JOSD1: variants seen among roughly 807,000 people sequenced by gnomAD.
The protein encoded by JOSD1 is josephin-1.
Under a neutral mutation model 24.3 loss-of-function variants are expected in JOSD1, and 11 were observed. The observed-to-expected ratio is 0.45, with a 90% CI of 0.29 to 0.75. The LOEUF is 0.75. JOSD1 is among the 30% of genes least tolerant of loss of function. JOSD1 has a pLI of 0.11. For missense variants in JOSD1, 184 were observed against 253.5 expected (o/e 0.73, Z 1.86); for synonymous variants, 106 against 93.8 (o/e 1.13, Z -0.75).
chr22:38,689,912 C>G (rs919163330), intron 2 of JOSD1, among the ~76,000 whole-genome samples: 2 of 144,636 alleles, frequency 1.4e-5, no homozygotes, highest in African/African-American at 2.6e-5. Flanking sequence ...TAAAGGCATT[C>G]TGTGTGTGTG....
At chr22:38,692,281 G>C (rs781354648) in intron 2 of JOSD1, among the ~76,000 whole-genome samples, 2 of 152,180 alleles carry the variant, frequency 1.3e-5, no homozygotes, top group African/African-American at 2.4e-5. Context: ...ATGAGCACTT[G>C]CAAGTGACAG....
At position 38,695,233 on chromosome 22, in the gene JOSD1, G is replaced by T. The variant is rs538578702; in HGVS notation, c.185+4570C>A. 4.6e-5 allele frequency among the ~76,000 whole-genome samples: 7 copies of T among 152,202 alleles called. 1 individual carries two copies. Among genetic ancestry groups the T allele is most frequent in the Admixed American group, 4.6e-4 (7 of 15,274 alleles). On this transcript the variant is annotated intron_variant, in intron 2 of 4. Transcript: ENST00000683374. ...GACAAGAGAATTCAAGTCTCTAGAG[G>T]TTAATACTTAACAACAACTTTTCTC... is the stretch of plus-strand genomic sequence containing the variant.
intron 2 of JOSD1, among the ~76,000 whole-genome samples, chr22:38,696,234 A>AC (rs900661494): frequency 4.9e-5 from 7 of 143,168 alleles, no homozygotes; most frequent in African/African-American, 1.6e-4. Flanking sequence ...CAAACCTTAT[A>AC]CCCCCCCTTT....
upstream of JOSD1, chr22:38,700,995 G>C: frequency 2.0e-6 from 2 of 984,612 alleles, no homozygotes; most frequent in Non-Finnish European, 2.4e-6. Context: ...CCCCCGCCCG[G>C]CGCGTGCTCC....
rs749337873 is a variant in JOSD1 at position 38,688,997 on chromosome 22, G to A, written c.447C>T (p.Ala149=). 6 of 1,614,000 alleles carry A rather than the reference G, an allele frequency of 3.7e-6. No homozygotes were observed. The South Asian group carries it at 6.6e-5, about 18-fold the overall frequency. Residue 149 remains alanine, a synonymous_variant, in exon 4 of 5, where the codon GCC becomes GCT. Transcript: ENST00000683374. ...HWICVREVGG[A]YYNLDSKLKM... ...TGAGTTTGGAGTCGAGGTTGTAGTA[G>A]GCCCCTCCCACCTCTCGAACACAGA... is the stretch of plus-strand genomic sequence containing the variant.
chr22:38,692,056 C>T (rs2092524931), intron 2 of JOSD1, among the ~76,000 whole-genome samples: 1 of 152,210 alleles, frequency 6.6e-6, no homozygotes, highest in Non-Finnish European at 1.5e-5. Context: ...GGCTTATATG[C>T]TCATCTCCAG....
chr22:38,701,129 G>C (rs563545082), upstream of JOSD1: 1 of 327,954 alleles, frequency 3.0e-6, no homozygotes, highest in Admixed American at 6.5e-5. Flanking sequence ...GCAGTTCAAC[G>C]GTTGGGGTGT....
At chr22:38,692,371 G>C (rs1346460322) in intron 2 of JOSD1, among the ~76,000 whole-genome samples, 1 of 152,144 alleles carries the variant, frequency 6.6e-6, no homozygotes, top group Non-Finnish European at 1.5e-5. Context: ...AATCAGAGTG[G>C]CAGGGGATGG....
chr22:38,688,027 G>C (rs1166628958), intron 4 of JOSD1, 26 bp from the exon 5 acceptor site: 8 of 1,559,902 alleles, frequency 5.1e-6, no homozygotes, highest in Admixed American at 1.7e-5. Flanking sequence ...TAGAGAAAAT[G>C]AAATGCTGGC....
chr22:38,699,756 A>T, intron 2 of JOSD1, 47 bp downstream of exon 2: 1 of 1,580,920 alleles, frequency 6.3e-7, no homozygotes, highest in Non-Finnish European at 8.7e-7. Flanking sequence ...CACCCACAGA[A>T]ATCCAGAAAT....
At position 38,700,455 on chromosome 22, in the gene JOSD1, G is replaced by C. The variant is rs971152151; in HGVS notation, c.-468C>G. 15 of 986,430 alleles carry C rather than the reference G, an allele frequency of 1.5e-5. No individual in the cohort carries two copies. Among genetic ancestry groups the C allele is most frequent in the Middle Eastern group, 5.2e-4 (1 of 1,934 alleles). The allele number at this position is 986,430 out of a possible 1,614,324, so 61.1% of individuals were successfully genotyped here. ...CTCGGGAGACAAGGCCTGGGTGACG[G>C]ATAAATTTAGCGCACGAGTCGAGTA... On this transcript the variant is annotated 5_prime_UTR_variant, in exon 2 of 5. In the 5' UTR this introduces an upstream ATG that the reference lacks. Transcript: ENST00000683374.
intron 2 of JOSD1, among the ~76,000 whole-genome samples, chr22:38,698,131 T>C (rs555825071): frequency 6.6e-6 from 1 of 152,296 alleles, no homozygotes; most frequent in South Asian, 2.1e-4. Flanking sequence ...AATATCTGAT[T>C]AGGAGTAGGA....
At chr22:38,699,710 A>G (rs993896999) in intron 2 of JOSD1, 93 bp downstream of exon 2, 43 of 1,204,108 alleles carry the variant, frequency 3.6e-5, no homozygotes, top group Non-Finnish European at 5.2e-5. Context: ...GCTAATACCT[A>G]CAGCTTTGAA....
chr22:38,689,140 G>A lies in JOSD1; in HGVS notation c.315-11C>T. 2 of 1,609,722 alleles carry A rather than the reference G, an allele frequency of 1.2e-6. No homozygotes were observed. Among genetic ancestry groups the A allele is most frequent in the Non-Finnish European group, 1.7e-6 (2 of 1,176,662 alleles). Reference sequence around the variant, plus strand: ...ATGACACCGACATCCCTGCAGGGGAGAAATGGTGGCAGGCTCTGATGCAGC... The same window carrying A: ...ATGACACCGACATCCCTGCAGGGGAAAAATGGTGGCAGGCTCTGATGCAGC... On this transcript the variant is annotated splice_polypyrimidine_tract_variant and intron_variant, in intron 3 of 4. Coordinates refer to ENST00000683374, the MANE Select transcript of JOSD1 (RefSeq NM_001360236.2).
intron 2 of JOSD1, 99 bp downstream of exon 2, chr22:38,699,704 A>C: frequency 8.7e-7 from 1 of 1,155,374 alleles, no homozygotes; most frequent in Non-Finnish European, 1.3e-6. Flanking sequence ...AATCTAGCTA[A>C]TACCTACAGC....
intron 2 of JOSD1, among the ~76,000 whole-genome samples, chr22:38,694,068 G>A (rs1246711099): frequency 6.6e-6 from 1 of 152,176 alleles, no homozygotes; most frequent in South Asian, 2.1e-4. Flanking sequence ...AAACACGTTA[G>A]GCAATTTGAA....
rs781535052 is a variant in JOSD1, at chr22:38,689,471, C to T, written c.186-47G>A. The T allele has an allele frequency of 1.1e-5, 17 of 1,607,920 alleles. No homozygotes were observed. The African/African-American group carries it at 1.9e-4, about 18-fold the overall frequency. ...GGCTGAGACTTGCTGGATGCCTGAA[C>T]CCCCTGACCCCGCACTACCAGGGAT... is the stretch of plus-strand genomic sequence containing the variant. On this transcript the variant is annotated intron_variant, in intron 2 of 4. Transcript: ENST00000683374.
intron 2 of JOSD1, among the ~76,000 whole-genome samples, chr22:38,692,868 C>T (rs537259902): frequency 1.3e-5 from 2 of 151,682 alleles, no homozygotes; most frequent in South Asian, 4.2e-4. Context: ...TAATTGGTTC[C>T]TTTCCCAAGT....
chr22:38,688,833 A>G, intron 4 of JOSD1, 102 bp downstream of exon 4: 1 of 1,103,060 alleles, frequency 9.1e-7, no homozygotes, highest in Non-Finnish European at 1.3e-6. Flanking sequence ...CCAAGGGCAC[A>G]GGAATTTCAT....
Sources: allele counts gnomAD v4.1 joint callset (sites outside exome capture counted in the v4.1 genomes callset), GRCh38; gene constraint gnomAD v4.1.1; transcripts MANE v1.5; gene names NCBI Gene and HGNC (gene_info 2026-07-23, HGNC 2026-07-21).